The following SUGCT variants were observed in gnomAD, a reference collection of about 807,000 sequenced individuals.
SUGCT encodes the protein succinyl-CoA:glutarate CoA-transferase.
In SUGCT, 41 loss-of-function variants were observed where a neutral mutation model predicts 55.0. The ratio of observed to expected loss-of-function variants is 0.74; its 90% CI spans 0.58 to 0.97. The LOEUF is 0.97. Ranked by LOEUF, SUGCT falls within the 50% of genes least tolerant of loss-of-function variation. The pLI is 0.00. For missense variants in SUGCT, 568 were observed against 547.8 expected (o/e 1.04, Z -0.37); for synonymous variants, 187 against 200.4 (o/e 0.93, Z 0.56).
intron 12 of SUGCT, among the ~76,000 whole-genome samples, chr7:40,581,776 C>T (rs1797106090): frequency 6.6e-6 from 1 of 152,118 alleles, no homozygotes; most frequent in African/African-American, 2.4e-5. Context: ...TATGGAGGCT[C>T]TGCTCATTTT....
chr7:40,861,364 A>G (rs958540284), downstream of SUGCT, among the ~76,000 whole-genome samples: 2 of 152,234 alleles, frequency 1.3e-5, no homozygotes, highest in African/African-American at 2.4e-5. Context: ...ACTGTTGAAG[A>G]CTAGATCATG....
At chr7:40,429,017 G>T (rs1787748825) in intron 9 of SUGCT, among the ~76,000 whole-genome samples, 1 of 151,892 alleles carries the variant, frequency 6.6e-6, no homozygotes, top group South Asian at 2.1e-4. Flanking sequence ...AATTTTAATT[G>T]TGTATATTTA....
At chr7:40,493,233 T>C (rs1301263330) in intron 11 of SUGCT, among the ~76,000 whole-genome samples, 1 of 152,226 alleles carries the variant, frequency 6.6e-6, no homozygotes, top group Non-Finnish European at 1.5e-5. Flanking sequence ...TTAATTTCTC[T>C]GAACCTGAGT....
chr7:40,427,629 A>G (rs867492210), intron 9 of SUGCT, among the ~76,000 whole-genome samples: 1 of 152,040 alleles, frequency 6.6e-6, no homozygotes, highest in Admixed American at 6.6e-5. Flanking sequence ...TAACCTCATA[A>G]TCAGTCATTG....
At chr7:40,274,180 T>A (rs565441546) in intron 7 of SUGCT, among the ~76,000 whole-genome samples, 139 of 146,522 alleles carry the variant, frequency 9.5e-4, no homozygotes, top group African/African-American at 3.4e-3. Flanking sequence ...TAAATTCAAT[T>A]AATTTTTTTA....
At chr7:40,331,458 A>G (rs995122480) in intron 9 of SUGCT, among the ~76,000 whole-genome samples, 2 of 152,196 alleles carry the variant, frequency 1.3e-5, no homozygotes, top group Middle Eastern at 3.2e-3. Flanking sequence ...CTTCATGTAT[A>G]AAATAGGTAT....
At chr7:40,501,626 C>T (rs930260281) in intron 12 of SUGCT, among the ~76,000 whole-genome samples, 1 of 152,086 alleles carries the variant, frequency 6.6e-6, no homozygotes, top group African/African-American at 2.4e-5. Flanking sequence ...TCATCCCTTC[C>T]TTCATTCAAT....
intron 12 of SUGCT, among the ~76,000 whole-genome samples, chr7:40,622,550 T>TTA (rs1323422341): frequency 6.6e-6 from 1 of 150,530 alleles, no homozygotes; most frequent in Non-Finnish European, 1.5e-5. Context: ...TTTTTTTTTT[T>TTA]TCATCTTCTG....
At position 40,471,946 on chromosome 7, in the gene SUGCT, A is replaced by G. The variant is rs80304306; in HGVS notation, c.986+12748A>G. ...TGAAAACGTAAGGTCAAATTCATGTATGAAAAGTATTGTCTTACTAGAAAT... is the reference window on the plus strand; with the variant it reads ...TGAAAACGTAAGGTCAAATTCATGTGTGAAAAGTATTGTCTTACTAGAAAT... On this transcript the variant is annotated intron_variant, in intron 11 of 13. Coordinates refer to ENST00000335693, the MANE Select transcript of SUGCT (RefSeq NM_001193313.2). Among the ~76,000 whole-genome samples the G allele has an allele frequency of 8.0e-4, 122 of 152,260 alleles. 2 individuals carry two copies. In the East Asian group the frequency reaches 0.021, roughly 26 times the overall value.
chr7:40,689,654 T>C (rs1001500480), intron 12 of SUGCT, among the ~76,000 whole-genome samples: 6 of 151,978 alleles, frequency 3.9e-5, no homozygotes, highest in Non-Finnish European at 8.8e-5. Context: ...GATGAAACCA[T>C]GGCTAAAGGC....
chr7:40,449,482 C>A (rs540313483), intron 10 of SUGCT, 124 bp downstream of exon 10: 2 of 691,350 alleles, frequency 2.9e-6, no homozygotes, highest in African/African-American at 1.8e-5. Flanking sequence ...GATATTCATG[C>A]GCATAAAGGA....
intron 12 of SUGCT, among the ~76,000 whole-genome samples, chr7:40,581,724 T>G (rs1262098970): frequency 6.6e-6 from 1 of 152,194 alleles, no homozygotes. Context: ...GCTAGAATAT[T>G]TAAATAATTT....
At chr7:40,562,451 G>A (rs1326195027) in intron 12 of SUGCT, among the ~76,000 whole-genome samples, 2 of 152,084 alleles carry the variant, frequency 1.3e-5, no homozygotes, top group African/African-American at 4.8e-5. Flanking sequence ...AGTGGGGTTC[G>A]AGACAGGCCA....
intron 12 of SUGCT, among the ~76,000 whole-genome samples, chr7:40,676,499 T>A (rs1027630262): frequency 7.4e-6 from 1 of 135,144 alleles, no homozygotes; most frequent in Non-Finnish European, 1.5e-5. Context: ...GCGGTTTTGT[T>A]TTTTGTTTTT....
At chr7:40,385,064 G>A (rs1785048857) in intron 9 of SUGCT, among the ~76,000 whole-genome samples, 1 of 152,188 alleles carries the variant, frequency 6.6e-6, no homozygotes, top group Admixed American at 6.5e-5. Context: ...ATAAAGGCGA[G>A]ACGATTGTCA....
At chr7:40,135,773 C>A (rs1305902327) in intron 1 of SUGCT, among the ~76,000 whole-genome samples, 1 of 151,826 alleles carries the variant, frequency 6.6e-6, no homozygotes, top group Non-Finnish European at 1.5e-5. Context: ...TTTCCTGCTT[C>A]AGCCTTCCGA....
chr7:40,967,869 AC>A, the SUGCT span, among the ~76,000 whole-genome samples: 1 of 152,132 alleles, frequency 6.6e-6, no homozygotes, highest in Non-Finnish European at 1.5e-5. Flanking sequence ...GAATTCTTAT[AC>A]AGAAATACAT....
At chr7:40,576,999 C>T (rs1488051827) in intron 12 of SUGCT, among the ~76,000 whole-genome samples, 1 of 152,182 alleles carries the variant, frequency 6.6e-6, no homozygotes, top group Non-Finnish European at 1.5e-5. Context: ...CTGGAAGCAT[C>T]AGGATTACCT....
chr7:40,227,414 T>C (rs1405958806), intron 6 of SUGCT, among the ~76,000 whole-genome samples: 1 of 152,044 alleles, frequency 6.6e-6, no homozygotes, highest in African/African-American at 2.4e-5. Context: ...CCAATCTTAC[T>C]TTGGTGATGG....
Sources: allele counts gnomAD v4.1 joint callset (sites outside exome capture counted in the v4.1 genomes callset), GRCh38; gene constraint gnomAD v4.1.1; transcripts MANE v1.5; gene names NCBI Gene and HGNC (gene_info 2026-07-23, HGNC 2026-07-21).